The following SRRM1 variants were observed in gnomAD, a reference collection of about 807,000 sequenced individuals.
SRRM1 encodes the protein serine and arginine repetitive matrix 1.
In SRRM1, 19 loss-of-function variants were observed where a neutral mutation model predicts 110.2. The ratio of observed to expected loss-of-function variants is 0.17; its 90% CI spans 0.12 to 0.25. The LOEUF (loss-of-function observed/expected upper bound fraction) is 0.25. Among genes scored for constraint, SRRM1 ranks in the 10% least tolerant of loss-of-function variants. The pLI is 1.00. For synonymous variants in SRRM1, 443 were observed against 414.9 expected, an observed-to-expected ratio of 1.07 and a Z score of -0.82; for missense variants, 918 against 1,145.8, an observed-to-expected ratio of 0.80 and a Z score of 2.87.
intron 12 of SRRM1, among the ~76,000 whole-genome samples, chr1:24,663,881 T>TAATAATAATAATAATAAC (rs1668485191): frequency 1.1e-4 from 1 of 8,930 alleles, no homozygotes; most frequent in Admixed American, 7.2e-4. Context: ...CTCTCAAAAA[T>TAATAATAATAATAATAAC]AATAATAATA....
rs1486347474 is a variant in SRRM1 at position 24,669,460 on chromosome 1, A to T, written c.2077A>T (p.Thr693Ser). Residue 693 changes from threonine (T) to serine (S), a missense_variant, in exon 14 of 17, where the codon ACC becomes TCC. By Grantham distance (58) the Thr-to-Ser change is moderately conservative (BLOSUM62 1). Transcript: ENST00000323848. The stretch of plus-strand genomic sequence containing the variant: ...CTCACCACGGCCTCGAGCTCCTCAG[A>T]CCTCCTCAAGTCCTCCACCCGTTCG... ...SPSPRPRAPQ[T>S]SSSPPPVRRG... 3 of 1,613,874 alleles carry T rather than the reference A, an allele frequency of 1.9e-6. No individual in the cohort carries two copies. The highest frequency in any genetic ancestry group is 2.5e-6 in the Non-Finnish European group (3 of 1,179,944).
rs1295839502 is a variant in SRRM1, at chr1:24,646,688, T to C, written c.133T>C (p.Leu45=). 4 of 1,600,660 alleles carry C rather than the reference T, an allele frequency of 2.5e-6. No individual in the cohort carries two copies. Among genetic ancestry groups the C allele is most frequent in the Non-Finnish European group, 3.4e-6 (4 of 1,175,986 alleles). The change falls in exon 3 of 17, where the codon TTG becomes CTG. Residue 45 remains leucine, a synonymous_variant. Transcript: ENST00000323848. ...TCAGGTGGACATGAGCAAAGTAAAT[T>C]TGGAGGTTATAAAGCCTTGGATAAC... The part of the protein sequence containing the change: ...EKKVDMSKVN[L]EVIKPWITKR...
rs573043357 is a variant in SRRM1, at chr1:24,643,551, T to TC, written c.21+210dup. ...TGCGCAGTCTCCTCCTCCGGAATGG[T>TC]CCCCCCTACGCGGCGGCGACGGTGG... is the stretch of plus-strand genomic sequence containing the variant. On this transcript the variant is annotated intron_variant, in intron 1 of 16. Coordinates refer to ENST00000323848, the MANE Select transcript of SRRM1 (RefSeq NM_005839.4). 71 of 379,106 alleles carry TC rather than the reference T, an allele frequency of 1.9e-4. No homozygotes were observed. In the African/African-American group the frequency reaches 2.0e-3, roughly 11 times the overall value. The allele number at this position is 379,106 out of a possible 1,614,324, so 23.5% of individuals were successfully genotyped here.
rs376931789 is a variant in SRRM1, at chr1:24,669,404, G to C, written c.2021G>C (p.Arg674Pro). 47 of 1,613,972 alleles carry C rather than the reference G, an allele frequency of 2.9e-5. No homozygotes were observed. The highest frequency in any genetic ancestry group is 3.5e-5 in the Non-Finnish European group (41 of 1,180,044). Residue 674 changes from arginine (R) to proline (P), a missense_variant, in exon 14 of 17, where the codon CGA becomes CCA. This residue lies in a region of SRRM1 where 357 missense variants were observed against 402.9 expected (regional missense o/e 0.89). Coordinates refer to ENST00000323848, the MANE Select transcript of SRRM1 (RefSeq NM_005839.4). ...SSPSRSTREA[R>P]SPQPNKRHSP... is the part of the protein sequence containing the mutation. The stretch of plus-strand genomic sequence containing the variant: ...CCAAGCCGCTCTACCCGGGAGGCCC[G>C]ATCACCACAACCAAACAAACGGCAT...
chr1:24,663,297 G>C, intron 12 of SRRM1: 1 of 1,178,064 alleles, frequency 8.5e-7, no homozygotes, highest in Non-Finnish European at 1.2e-6. Flanking sequence ...CTATTTAGGT[G>C]ACCTCATCTC....
Position 24,651,681 on chromosome 1 carries a change from C to T in SRRM1, c.725+69C>T. On this transcript the variant is annotated intron_variant, in intron 6 of 16. Coordinates refer to ENST00000323848, the MANE Select transcript of SRRM1 (RefSeq NM_005839.4). ...TTAATAGTGACTGCAAATATGACATCTGAGTTAAAATAAAACTACTTATTT... is the reference window on the plus strand; with the variant it reads ...TTAATAGTGACTGCAAATATGACATTTGAGTTAAAATAAAACTACTTATTT... 2.5e-6 allele frequency: 3 copies of T among 1,187,152 alleles called. No individual in the cohort carries two copies. The Admixed American group carries it at 6.8e-5, about 27-fold the overall frequency. The allele number at this position is 1,187,152 out of a possible 1,614,324, so 73.5% of individuals were successfully genotyped here.
At position 24,669,191 on chromosome 1, in the gene SRRM1, G is replaced by A. The variant is rs754469638; in HGVS notation, c.1808G>A (p.Arg603Lys). The part of the protein sequence containing the change: ...PRRYSPPIQR[R>K]YSPSPPPKRR... ...AGATACTCTCCTCCAATACAGAGGAGATACTCTCCTTCTCCACCTCCAAAG... is the reference window on the plus strand; with the variant it reads ...AGATACTCTCCTCCAATACAGAGGAAATACTCTCCTTCTCCACCTCCAAAG... Residue 603 changes from arginine to lysine, a missense_variant, in exon 14 of 17, where the codon AGA becomes AAA. Coordinates refer to ENST00000323848, the MANE Select transcript of SRRM1 (RefSeq NM_005839.4). 2 of 1,613,982 alleles carry A rather than the reference G, an allele frequency of 1.2e-6. No homozygotes were observed. The highest frequency in any genetic ancestry group is 1.7e-5 in the Admixed American group (1 of 59,990).
rs1038405035 is a variant in SRRM1, at chr1:24,667,965, CTT to C, written c.1739+1066_1739+1067del. ...AGCAATGTAATGACATGCTGCCACT[CTT>C]TTTTTTTTTTTTTTTTTTTTTTTTT... On this transcript the variant is annotated intron_variant, in intron 13 of 16. Coordinates refer to ENST00000323848, the MANE Select transcript of SRRM1 (RefSeq NM_005839.4). Among the ~76,000 whole-genome samples the C allele has an allele frequency of 2.3e-4, 16 of 68,522 alleles. No homozygotes were observed. The East Asian group carries it at 2.4e-3, about 10-fold the overall frequency. The allele number at this position is 68,522 out of a possible 152,430, so 45.0% of individuals were successfully genotyped here.
chr1:24,650,241 A>G (rs1332412519), intron 5 of SRRM1, among the ~76,000 whole-genome samples, 155 bp downstream of exon 5: 1 of 152,220 alleles, frequency 6.6e-6, no homozygotes, highest in East Asian at 1.9e-4. Flanking sequence ...GACTAAAGAA[A>G]TCTGTCATAT....
intron 1 of SRRM1, among the ~76,000 whole-genome samples, chr1:24,644,788 A>G (rs1656363670): frequency 6.6e-6 from 1 of 152,250 alleles, no homozygotes; most frequent in African/African-American, 2.4e-5. Flanking sequence ...TAGTATTTTG[A>G]AACAAGTGAA....
chr1:24,655,204 T>A (rs1381438179), intron 9 of SRRM1, 75 bp downstream of exon 9: 1 of 1,494,836 alleles, frequency 6.7e-7, no homozygotes, highest in Non-Finnish European at 9.2e-7. Flanking sequence ...TGCCCCCTGC[T>A]CACTCTCAAA....
intron 4 of SRRM1, 30 bp from the exon 5 acceptor site, chr1:24,649,941 A>G (rs754200960): frequency 1.3e-6 from 2 of 1,528,480 alleles, no homozygotes; most frequent in East Asian, 2.3e-5. Context: ...ATGTTCAACT[A>G]TGTGTATTTT....
At position 24,653,005 on chromosome 1, in the gene SRRM1, A is replaced by G. The variant is rs1661868579; in HGVS notation, c.1013A>G (p.His338Arg). 1.2e-6 allele frequency: 2 copies of G among 1,613,932 alleles called. No individual in the cohort carries two copies. The highest frequency in any genetic ancestry group is 1.7e-6 in the Non-Finnish European group (2 of 1,179,880). Reference sequence around the variant, plus strand: ...AGAAGAATGCCTCCTCCACCAAGGCATAGAAGGAGTAGATCTCCAGTAAGA... The same window carrying G: ...AGAAGAATGCCTCCTCCACCAAGGCGTAGAAGGAGTAGATCTCCAGTAAGA... ...PPRRMPPPPRHRRSRSPVRRR... is the reference protein window; with the variant it reads ...PPRRMPPPPRRRRSRSPVRRR... Residue 338 changes from histidine (H) to arginine (R), a missense_variant, in exon 8 of 17, where the codon CAT (histidine) becomes CGT (arginine). Transcript: ENST00000323848.
chr1:24,666,665 TGA>T, intron 12 of SRRM1, 148 bp from the exon 13 acceptor site: 2 of 588,454 alleles, frequency 3.4e-6, no homozygotes, highest in Non-Finnish European at 6.1e-6. Context: ...CTCAGGAGGC[TGA>T]GGGGGGAGAA....
chr1:24,657,658 A>C (rs996274586), intron 9 of SRRM1, among the ~76,000 whole-genome samples: 3 of 152,176 alleles, frequency 2.0e-5, no homozygotes, highest in African/African-American at 7.2e-5. Context: ...CTTACAGGTT[A>C]ATTATTTGGA....
In SRRM1 at chr1:24,652,906, A is replaced by G; in HGVS notation, c.921-7A>G. 2 of 1,613,130 alleles carry G rather than the reference A, an allele frequency of 1.2e-6. No homozygotes were observed. Among genetic ancestry groups the G allele is most frequent in the Non-Finnish European group, 1.7e-6 (2 of 1,179,640 alleles). On this transcript the variant is annotated splice_polypyrimidine_tract_variant and splice_region_variant and intron_variant, in intron 7 of 16. Transcript: ENST00000323848. ...TATTCAGGACCTAATTCTCTTTGTT[A>G]TGGCAGATCGTATTCACCTAGAAGG...
intron 8 of SRRM1, chr1:24,654,453 T>TA: frequency 1.1e-6 from 1 of 944,182 alleles, no homozygotes; most frequent in Non-Finnish European, 1.4e-6. Context: ...ACATCTTTTT[T>TA]AAAAATGCAA....
At chr1:24,666,788 A>T (rs951485536) in intron 12 of SRRM1, 27 bp from the exon 13 acceptor site, 1 of 1,593,822 alleles carries the variant, frequency 6.3e-7, no homozygotes, top group African/African-American at 1.3e-5. Context: ...AAAGAAAAAA[A>T]ATTAACTATA....
intron 1 of SRRM1, 98 bp downstream of exon 1, chr1:24,643,445 C>T (rs1225525994): frequency 3.0e-6 from 3 of 984,054 alleles, no homozygotes; most frequent in African/African-American, 1.8e-5. Context: ...GCGAGGGGAG[C>T]TTCGGAGATC....
Sources: gnomAD v4.1 joint callset for allele counts (sites outside exome capture counted in the v4.1 genomes callset) on GRCh38, gnomAD v4.1.1 for gene constraint, gnomAD v4.1.1 regional missense constraint, MANE v1.5 for transcripts, NCBI Gene and HGNC (gene_info 2026-07-23, HGNC 2026-07-21) for gene names.